The following NHSL1 variants were observed in gnomAD, a reference collection of about 807,000 sequenced individuals.
The protein encoded by NHSL1 is NHS like 1, also known as NHS-like protein 1.
NHSL1 carries 48 observed loss-of-function variants against 95.0 expected under a neutral mutation model. The observed-to-expected ratio is 0.51, with a 90% CI of 0.40 to 0.64. The LOEUF (loss-of-function observed/expected upper bound fraction) is 0.64. NHSL1 is among the 30% of genes least tolerant of loss of function. The pLI is 0.00. For synonymous variants in NHSL1, 783 were observed against 833.9 expected (o/e 0.94, Z 1.05); for missense variants, 1,971 against 2,077.7 (o/e 0.95, Z 1.00).
chr6:138,687,568 C>G (rs1037146651), intron 1 of NHSL1, among the ~76,000 whole-genome samples: 3 of 152,190 alleles, frequency 2.0e-5, no homozygotes, highest in Non-Finnish European at 4.4e-5. Context: ...TATTATGTAT[C>G]AATTAAAAAG....
intron 1 of NHSL1, among the ~76,000 whole-genome samples, chr6:138,659,103 G>A (rs561605575): frequency 6.9e-6 from 1 of 144,170 alleles, no homozygotes; most frequent in South Asian, 2.2e-4. Context: ...AGGCTGGAGT[G>A]TAGTGGCAAG....
intron 1 of NHSL1, among the ~76,000 whole-genome samples, chr6:138,590,204 G>C (rs1454256318): frequency 6.6e-6 from 1 of 152,082 alleles, no homozygotes; most frequent in African/African-American, 2.4e-5. Context: ...CACCTTGTTG[G>C]CCAGGCTGGT....
upstream of NHSL1, among the ~76,000 whole-genome samples, chr6:138,574,001 T>C (rs547987075): frequency 9.2e-5 from 14 of 152,180 alleles, no homozygotes; most frequent in Non-Finnish European, 1.5e-4. Flanking sequence ...TGCAGTGGCA[T>C]GATGCAAGCT....
At chr6:138,556,453 TTTC>T (rs1407387238) in intron 1 of NHSL1, among the ~76,000 whole-genome samples, 1 of 151,960 alleles carries the variant, frequency 6.6e-6, no homozygotes, top group African/African-American at 2.4e-5. Flanking sequence ...CTGAGCCCCA[TTTC>T]TTGAGTCACA....
At chr6:138,471,601 T>G (rs953631992) in intron 3 of NHSL1, among the ~76,000 whole-genome samples, 10 of 151,970 alleles carry the variant, frequency 6.6e-5, no homozygotes, top group Non-Finnish European at 1.5e-4. Flanking sequence ...AAAATCTGGG[T>G]GGGGAGGTAA....
exon 1 of NHSL1, chr6:138,572,121 T>G (rs1433163822): frequency 3.7e-6 from 2 of 541,412 alleles, no homozygotes; most frequent in Non-Finnish European, 6.5e-6. Flanking sequence ...AAGAAAAATG[T>G]TTTACCCTAG....
At chr6:138,599,363 T>G (rs143633504) in intron 1 of NHSL1, among the ~76,000 whole-genome samples, 202 of 151,932 alleles carry the variant, frequency 1.3e-3, no homozygotes, top group African/African-American at 4.6e-3. Flanking sequence ...AGTACAGAAA[T>G]TAGCTGGGTG....
intron 1 of NHSL1, among the ~76,000 whole-genome samples, chr6:138,682,766 T>C (rs894072800): frequency 2.0e-5 from 3 of 152,180 alleles, no homozygotes; most frequent in Non-Finnish European, 4.4e-5. Context: ...GGTCTGTTCC[T>C]GGCCTCACCC....
At chr6:138,672,078 T>C (rs1389588827) in intron 1 of NHSL1, among the ~76,000 whole-genome samples, 1 of 152,162 alleles carries the variant, frequency 6.6e-6, no homozygotes, top group Non-Finnish European at 1.5e-5. Flanking sequence ...GAAAATTTCT[T>C]TAAAATCAGC....
chr6:138,649,426 C>CA (rs200672360), intron 1 of NHSL1, among the ~76,000 whole-genome samples: 26,287 of 141,666 alleles, frequency 0.19, 2,419 homozygotes, highest in South Asian at 0.26. Flanking sequence ...TAAAGCCATC[C>CA]AAAAAAAAAA....
intron 1 of NHSL1, among the ~76,000 whole-genome samples, chr6:138,664,469 G>C (rs1455424860): frequency 6.6e-6 from 1 of 152,118 alleles, no homozygotes; most frequent in Admixed American, 6.6e-5. Flanking sequence ...AGCACTACTG[G>C]GCAAAAGGAA....
At chr6:138,556,864 A>C (rs945820858) in intron 1 of NHSL1, among the ~76,000 whole-genome samples, 1 of 152,200 alleles carries the variant, frequency 6.6e-6, no homozygotes, top group Non-Finnish European at 1.5e-5. Flanking sequence ...ACAAACAAGA[A>C]CATGAAATAG....
chr6:138,478,968 C>A (rs1163129084), intron 2 of NHSL1, among the ~76,000 whole-genome samples: 1 of 152,218 alleles, frequency 6.6e-6, no homozygotes, highest in Non-Finnish European at 1.5e-5. Context: ...CTGACTCTCA[C>A]ATGAATTTAT....
At chr6:138,458,611 A>G (rs1341352229) in intron 3 of NHSL1, among the ~76,000 whole-genome samples, 2 of 152,214 alleles carry the variant, frequency 1.3e-5, no homozygotes, top group African/African-American at 2.4e-5. Context: ...GGCAGATCAC[A>G]AGGTCAGGAG....
At chr6:138,631,203 C>A (rs1221594157) in intron 1 of NHSL1, among the ~76,000 whole-genome samples, 1 of 152,196 alleles carries the variant, frequency 6.6e-6, no homozygotes, top group Non-Finnish European at 1.5e-5. Context: ...CCGATTCCAG[C>A]GGTCAGATCT....
At chr6:138,498,149 T>A (rs1324386431) in intron 1 of NHSL1, among the ~76,000 whole-genome samples, 1 of 152,176 alleles carries the variant, frequency 6.6e-6, no homozygotes, top group Non-Finnish European at 1.5e-5. Flanking sequence ...GTAGCCAGAG[T>A]TCATCACAGT....
chr6:138,586,764 C>G (rs1202526988), intron 1 of NHSL1, among the ~76,000 whole-genome samples: 1 of 152,100 alleles, frequency 6.6e-6, no homozygotes, highest in African/African-American at 2.4e-5. Context: ...GGATCCAGAG[C>G]CAAGCACAGG....
At chr6:138,649,626 A>G (rs180830698) in intron 1 of NHSL1, among the ~76,000 whole-genome samples, 171 of 152,298 alleles carry the variant, frequency 1.1e-3, no homozygotes, top group African/African-American at 3.9e-3. Context: ...TGAGCATTAG[A>G]TGAGGAGGAC....
intron 2 of NHSL1, among the ~76,000 whole-genome samples, chr6:138,485,574 C>T (rs899171485): frequency 3.3e-5 from 5 of 152,076 alleles, no homozygotes; most frequent in African/African-American, 1.2e-4. Flanking sequence ...GTTAAGGACA[C>T]CAAGGAAAGC....
Sources: allele counts gnomAD v4.1 joint callset (sites outside exome capture counted in the v4.1 genomes callset), GRCh38; gene constraint gnomAD v4.1.1; transcripts MANE v1.5; gene names NCBI Gene and HGNC (gene_info 2026-07-23, HGNC 2026-07-21).